Variants in PKN2 observed in about 807,000 individuals in gnomAD.
PKN2 encodes protein kinase N2.
PKN2 carries 38 observed loss-of-function variants against 119.1 expected under a neutral mutation model. The observed-to-expected ratio is 0.32, with a 90% confidence interval of 0.25 to 0.42. The LOEUF is 0.42. PKN2 is among the 10% of genes least tolerant of loss of function. The probability of loss-of-function intolerance (pLI) is 1.00; values close to 1 mark genes in which losing one functional copy is unlikely to be tolerated. For synonymous variants in PKN2, 390 were observed against 384.9 expected (o/e 1.01, Z -0.15); for missense variants, 850 against 1,165.1 (o/e 0.73, Z 3.94).
intron 1 of PKN2, among the ~76,000 whole-genome samples, chr1:88,687,151 T>C (rs1220366732): frequency 1.3e-5 from 2 of 152,128 alleles, no homozygotes; most frequent in Non-Finnish European, 2.9e-5. Flanking sequence ...CTTTTGGTCA[T>C]GGAAAGGCAA....
At chr1:88,710,974 A>G (rs1373336137) in intron 1 of PKN2, among the ~76,000 whole-genome samples, 1 of 152,204 alleles carries the variant, frequency 6.6e-6, no homozygotes, top group Non-Finnish European at 1.5e-5. Context: ...AGCCATAAGA[A>G]AGAATGAGAT....
intron 1 of PKN2, among the ~76,000 whole-genome samples, chr1:88,738,542 G>A (rs1054956342): frequency 6.6e-6 from 1 of 152,212 alleles, no homozygotes; most frequent in Admixed American, 6.5e-5. Context: ...TATGATTGGA[G>A]TTTAAGGAAC....
chr1:88,826,917 AAT>A (rs1163381045), intron 18 of PKN2, among the ~76,000 whole-genome samples: 4 of 152,102 alleles, frequency 2.6e-5, no homozygotes, highest in Admixed American at 2.6e-4. Context: ...TTTTTTAAAT[AAT>A]ATTTTATTGA....
At chr1:88,692,124 T>C (rs1441761989) in intron 1 of PKN2, among the ~76,000 whole-genome samples, 2 of 152,190 alleles carry the variant, frequency 1.3e-5, no homozygotes, top group Non-Finnish European at 1.5e-5. Flanking sequence ...TGAACTTGAT[T>C]TTTCACCTGT....
chr1:88,788,255 T>C (rs1570631213), intron 8 of PKN2, among the ~76,000 whole-genome samples: 2 of 152,236 alleles, frequency 1.3e-5, no homozygotes, highest in Admixed American at 1.3e-4. Flanking sequence ...GCTTCAGTGT[T>C]CTGCAGAATT....
At chr1:88,824,237 ATTT>A (rs1363680014) in intron 17 of PKN2, 70 bp from the exon 18 acceptor site, 25 of 748,964 alleles carry the variant, frequency 3.3e-5, no homozygotes, top group Non-Finnish European at 5.1e-5. Context: ...AATTGCAATT[ATTT>A]TTTTAACTGT....
chr1:88,714,565 G>A lies in PKN2; in HGVS notation c.49-26423G>A, dbSNP rs557461406. Among the ~76,000 whole-genome samples, 79 of 151,294 alleles carry A rather than the reference G, an allele frequency of 5.2e-4. 3 individuals carry two copies. In the South Asian group the frequency reaches 0.015, roughly 28 times the overall value. ...AGCAATTGTGAATGGGAGTGATTTG[G>A]TTCTGTATTTGTCTGTTCTTGGTGT... On this transcript the variant is annotated intron_variant, in intron 1 of 21. Coordinates refer to ENST00000370521, the MANE Select transcript of PKN2 (RefSeq NM_006256.4).
intron 16 of PKN2, among the ~76,000 whole-genome samples, chr1:88,820,533 CAAAA>C (rs901201727): frequency 1.5e-5 from 2 of 136,656 alleles, no homozygotes; most frequent in African/African-American, 5.5e-5. Flanking sequence ...AACTCCATCT[CAAAA>C]AAAAAATAAA....
intron 6 of PKN2, among the ~76,000 whole-genome samples, chr1:88,772,308 G>T (rs77669295): frequency 0.016 from 2,509 of 152,254 alleles, 46 homozygotes; most frequent in South Asian, 0.067. Context: ...TCATGTTGTA[G>T]TATGTATGAG....
At position 88,741,913 on chromosome 1, in the gene PKN2, A is replaced by G. The variant is rs189778693; in HGVS notation, c.349+625A>G. On this transcript the variant is annotated intron_variant, in intron 2 of 21. Coordinates refer to ENST00000370521, the MANE Select transcript of PKN2 (RefSeq NM_006256.4). ...TAGAATTAATAAATATTTATGTTGGAATTTTTTTAATGGTACAGAAAATAA... is the reference window on the plus strand; with the variant it reads ...TAGAATTAATAAATATTTATGTTGGGATTTTTTTAATGGTACAGAAAATAA... 1.4e-4 allele frequency among the ~76,000 whole-genome samples: 22 copies of G among 152,212 alleles called. No individual in the cohort carries two copies. The East Asian group carries it at 4.2e-3, about 29-fold the overall frequency.
chr1:88,698,103 T>C (rs1400111041), intron 1 of PKN2, among the ~76,000 whole-genome samples: 1 of 152,220 alleles, frequency 6.6e-6, no homozygotes, highest in Non-Finnish European at 1.5e-5. Flanking sequence ...AACAATACTC[T>C]ACAATGAAGG....
chr1:88,704,191 A>G (rs1196877593), intron 1 of PKN2, among the ~76,000 whole-genome samples: 1 of 152,138 alleles, frequency 6.6e-6, no homozygotes, highest in Non-Finnish European at 1.5e-5. Context: ...GTCACTATAG[A>G]TGAATTTGCC....
At chr1:88,742,648 G>A (rs1006143380) in intron 2 of PKN2, among the ~76,000 whole-genome samples, 2 of 151,658 alleles carry the variant, frequency 1.3e-5, no homozygotes, top group Admixed American at 6.6e-5. Flanking sequence ...TGAAAATGCT[G>A]TTTTTTGGTA....
At chr1:88,700,770 A>G (rs76112346) in intron 1 of PKN2, among the ~76,000 whole-genome samples, 3,197 of 152,298 alleles carry the variant, frequency 0.021, 70 homozygotes, top group South Asian at 0.07. Context: ...GCCTCTTTTC[A>G]GTAGTTCTCA....
intron 6 of PKN2, among the ~76,000 whole-genome samples, chr1:88,773,789 A>C (rs1669983956): frequency 6.6e-6 from 1 of 152,154 alleles, no homozygotes. Flanking sequence ...TAAGAAAGAA[A>C]GAAAGAGAGA....
intron 8 of PKN2, among the ~76,000 whole-genome samples, chr1:88,789,162 A>T (rs1670705890): frequency 6.6e-6 from 1 of 152,106 alleles, no homozygotes; most frequent in Non-Finnish European, 1.5e-5. Flanking sequence ...AGGACAAGTA[A>T]AAAGGTGGTA....
At chr1:88,752,876 C>G (rs776854103) in intron 2 of PKN2, among the ~76,000 whole-genome samples, 2 of 151,952 alleles carry the variant, frequency 1.3e-5, no homozygotes, top group Non-Finnish European at 1.5e-5. Flanking sequence ...TCTCTTTTAC[C>G]TGGATCATTT....
chr1:88,715,243 T>G, intron 1 of PKN2, among the ~76,000 whole-genome samples: 1 of 152,194 alleles, frequency 6.6e-6, no homozygotes, highest in African/African-American at 2.4e-5. Context: ...TCTTTTTTTG[T>G]TGTATCTCTG....
chr1:88,733,262 C>T (rs1351447645), intron 1 of PKN2, among the ~76,000 whole-genome samples: 1 of 152,082 alleles, frequency 6.6e-6, no homozygotes, highest in Non-Finnish European at 1.5e-5. Context: ...TTTTGAGTAG[C>T]CTTCATGCTG....
Sources: gnomAD v4.1 joint callset for allele counts (sites outside exome capture counted in the v4.1 genomes callset) on GRCh38, gnomAD v4.1.1 for gene constraint, MANE v1.5 for transcripts, NCBI Gene and HGNC (gene_info 2026-07-23, HGNC 2026-07-21) for gene names.